IL3RA: variants seen among roughly 807,000 people sequenced by gnomAD.
The protein encoded by IL3RA is interleukin 3 receptor subunit alpha, also known as interleukin-3 receptor subunit alpha.
Under a neutral mutation model 52.3 loss-of-function variants are expected in IL3RA, and 73 were observed. That is an observed-to-expected ratio of 1.40 (90% CI 1.16 to 1.70). The LOEUF (loss-of-function observed/expected upper bound fraction) is 1.70. IL3RA is among the 40% of genes most tolerant of loss of function. The probability of loss-of-function intolerance (pLI) is 0.00; values close to 1 mark genes in which losing one functional copy is unlikely to be tolerated. For missense variants in IL3RA, 664 were observed against 504.4 expected, an observed-to-expected ratio of 1.32 and a Z score of -3.03; for synonymous variants, 260 against 194.0, an observed-to-expected ratio of 1.34 and a Z score of -2.83.
chrX:1,360,139 G>C (rs7392215), intron 8 of IL3RA, among the ~76,000 whole-genome samples: 5 of 120,218 alleles, frequency 4.2e-5, no homozygotes, highest in Admixed American at 8.6e-5. Flanking sequence ...CTCCGTGTCT[G>C]TCTCTGTGTC....
rs1249891539 is a variant in IL3RA, at chrX:1,378,801, TC to T, written c.980+39del. On this transcript the variant is annotated intron_variant, in intron 10 of 11. Coordinates refer to ENST00000331035, the MANE Select transcript of IL3RA (RefSeq NM_002183.4). ...AGGGCGTCCGCGAGCGTCGCTTGTT[TC>T]CAGTGTGACCCTGAAAGTTATTCAC... 1.9e-5 allele frequency: 29 copies of T among 1,549,950 alleles called. No individual in the cohort carries two copies. In the Admixed American group the frequency reaches 2.2e-4, roughly 12 times the overall value.
chrX:1,356,118 A>G, intron 6 of IL3RA, 103 bp from the exon 7 acceptor site: 3 of 754,494 alleles, frequency 4.0e-6, no homozygotes, highest in Non-Finnish European at 6.8e-6. Context: ...CTCCAAATGC[A>G]TAGGAGAAGT....
intron 6 of IL3RA, among the ~76,000 whole-genome samples, chrX:1,353,943 ACC>A (rs762596930): frequency 0.032 from 1,353 of 42,696 alleles, 58 homozygotes; most frequent in Middle Eastern, 0.071. Flanking sequence ...GGGTCATGGG[ACC>A]CCCCCCCCCA....
rs1208569668 is a variant in IL3RA at position 1,336,821 on chromosome X, A to C, written c.-144A>C. The C allele has an allele frequency of 6.6e-6, 1 of 152,212 alleles. No individual in the cohort carries two copies. Among genetic ancestry groups the C allele is most frequent in the Non-Finnish European group, 1.5e-5 (1 of 68,046 alleles). 9.4% of individuals were successfully genotyped at this position (152,212 alleles called of 1,614,324 possible). A position where few individuals can be genotyped will look rare whatever the true frequency, so the allele number is the denominator to read the frequency against. Reference sequence around the variant, plus strand: ...CTTCGGGGAAAGCTGCTTTCAGCGCACACGGGAAGATATCAGAAACATCCT... The same window carrying C: ...CTTCGGGGAAAGCTGCTTTCAGCGCCCACGGGAAGATATCAGAAACATCCT... On this transcript the variant is annotated 5_prime_UTR_variant, in exon 1 of 12. Transcript: ENST00000331035.
intron 6 of IL3RA, among the ~76,000 whole-genome samples, chrX:1,355,455 G>A (rs1174122924): frequency 7.3e-6 from 1 of 136,128 alleles, no homozygotes; most frequent in Non-Finnish European, 1.6e-5. Context: ...AAGACCAGGA[G>A]GGTAGGAGGA....
rs758433654 is a variant in IL3RA at position 1,356,249 on chromosome X, A to G, written c.645A>G (p.Ala215=). 28 of 1,613,228 alleles carry G rather than the reference A, an allele frequency of 1.7e-5. 1 individual carries two copies. The South Asian group carries it at 3.1e-4, about 18-fold the overall frequency. The part of the protein sequence containing the change: ...IEILTPPNMT[A]KCNKTHSFMH... ...TATTAACTCCACCCAACATGACTGC[A>G]AAGTGTAATAAGACACATTCCTTTA... The change falls in exon 7 of 12, where the codon GCA becomes GCG. Residue 215 remains alanine, a synonymous_variant. Coordinates refer to ENST00000331035, the MANE Select transcript of IL3RA (RefSeq NM_002183.4).
At position 1,352,544 on chromosome X, in the gene IL3RA, T is replaced by C. The variant is rs370017048; in HGVS notation, c.616+38T>C. The C allele has an allele frequency of 2.3e-4, 360 of 1,597,360 alleles. 2 individuals are homozygous for C. The highest frequency in any genetic ancestry group is 7.9e-4 in the South Asian group (71 of 90,290). ...GGACACTCCCTCCCACCCTCAGTTC[T>C]GTGATACCACGGCTTTAGCGCCAGG... On this transcript the variant is annotated intron_variant, in intron 6 of 11. Transcript: ENST00000331035.
At chrX:1,380,884 G>A (rs1407878943) in intron 10 of IL3RA, 139 bp from the exon 11 acceptor site, 109 of 732,770 alleles carry the variant, frequency 1.5e-4, no homozygotes, top group Non-Finnish European at 2.3e-4. Flanking sequence ...CTCAGGGGCC[G>A]GGAAAATAGA....
chrX:1,382,207 C>T (rs2089209256), intron 11 of IL3RA, among the ~76,000 whole-genome samples, 184 bp from the exon 12 acceptor site: 1 of 152,194 alleles, frequency 6.6e-6, no homozygotes, highest in African/African-American at 2.4e-5. Context: ...CCTCGGCCTC[C>T]CAAAGTGCTG....
At chrX:1,360,218 C>T (rs2087119400) in intron 8 of IL3RA, among the ~76,000 whole-genome samples, 1 of 137,620 alleles carries the variant, frequency 7.3e-6, no homozygotes, top group South Asian at 2.5e-4. Flanking sequence ...CTCCCCATCT[C>T]TTTCTCTGTG....
intron 9 of IL3RA, among the ~76,000 whole-genome samples, chrX:1,366,545 G>A (rs2088063167): frequency 1.3e-5 from 1 of 76,556 alleles, no homozygotes; most frequent in Non-Finnish European, 2.6e-5. Flanking sequence ...GGTGCGCGGG[G>A]TGAGCCGGGT....
intron 1 of IL3RA, among the ~76,000 whole-genome samples, 190 bp from the exon 2 acceptor site, chrX:1,341,538 A>G (rs1251006934): frequency 6.2e-5 from 2 of 32,332 alleles, no homozygotes; most frequent in South Asian, 1.0e-3. Context: ...GTAGAAGCAC[A>G]CTCTGATGTG....
At position 1,346,622 on chromosome X, in the gene IL3RA, A is replaced by G. The variant is rs550899021; in HGVS notation, c.183+1188A>G. Among the ~76,000 whole-genome samples, 43 of 151,546 alleles carry G rather than the reference A, an allele frequency of 2.8e-4. 1 individual carries two copies. The South Asian group carries it at 8.7e-3, about 31-fold the overall frequency. The stretch of plus-strand genomic sequence containing the variant: ...ACTCCATCTCAAAACAAAAACAAAA[A>G]CAAAAGCAAAAACAAAACAAAAGTG... On this transcript the variant is annotated intron_variant, in intron 3 of 11. Coordinates refer to ENST00000331035, the MANE Select transcript of IL3RA (RefSeq NM_002183.4).
At chrX:1,342,822 T>C (rs1386673288) in intron 2 of IL3RA, among the ~76,000 whole-genome samples, 2 of 149,618 alleles carry the variant, frequency 1.3e-5, no homozygotes, top group Non-Finnish European at 3.0e-5. Context: ...GGGTTGGGAT[T>C]ACACACTTTG....
At chrX:1,338,546 A>T (rs1164761982) in intron 1 of IL3RA, among the ~76,000 whole-genome samples, 2 of 152,264 alleles carry the variant, frequency 1.3e-5, no homozygotes, top group Non-Finnish European at 2.9e-5. Context: ...TTACACAGCC[A>T]TGAAAAGGAA....
chrX:1,378,305 G>A (rs1236604420), intron 9 of IL3RA, among the ~76,000 whole-genome samples: 24 of 152,082 alleles, frequency 1.6e-4, no homozygotes, highest in Non-Finnish European at 3.1e-4. Context: ...CCTCCATGCT[G>A]CCCACACCCA....
At chrX:1,344,174 C>G (rs774345505) in intron 2 of IL3RA, among the ~76,000 whole-genome samples, 2 of 152,218 alleles carry the variant, frequency 1.3e-5, no homozygotes, top group African/African-American at 4.8e-5. Context: ...TAACTCACGT[C>G]TGTGATCCCA....
chrX:1,381,937 TGTTTTG>T (rs1480024201), intron 11 of IL3RA, among the ~76,000 whole-genome samples: 2 of 151,544 alleles, frequency 1.3e-5, no homozygotes, highest in Non-Finnish European at 2.9e-5. Context: ...TTTTTTGTTT[TGTTTTG>T]TTTTGTTTGT....
intron 1 of IL3RA, among the ~76,000 whole-genome samples, chrX:1,341,463 T>C (rs1269909220): frequency 6.6e-6 from 1 of 152,136 alleles, no homozygotes; most frequent in Non-Finnish European, 1.5e-5. Context: ...CAAACAGACA[T>C]GGCTACATAG....
Sources: gnomAD v4.1 joint callset for allele counts (sites outside exome capture counted in the v4.1 genomes callset) on GRCh38, gnomAD v4.1.1 for gene constraint, MANE v1.5 for transcripts, NCBI Gene and HGNC (gene_info 2026-07-23, HGNC 2026-07-21) for gene names.